Variants in SLC6A6 observed in about 807,000 individuals in gnomAD.
SLC6A6 encodes solute carrier family 6 member 6.
In SLC6A6, 16 loss-of-function variants were observed where a neutral mutation model predicts 68.8. That is an observed-to-expected ratio of 0.23 (90% CI 0.16 to 0.35). The LOEUF (loss-of-function observed/expected upper bound fraction) is 0.35, where lower values mean the gene tolerates loss of function less well. SLC6A6 is among the 10% of genes least tolerant of loss of function. SLC6A6 has a pLI of 1.00. For synonymous variants in SLC6A6, 312 were observed against 315.4 expected (o/e 0.99, Z 0.12); for missense variants, 474 against 802.8 (o/e 0.59, Z 4.95).
At chr3:14,454,762 C>T (rs1272809806) in intron 5 of SLC6A6, among the ~76,000 whole-genome samples, 1 of 152,160 alleles carries the variant, frequency 6.6e-6, no homozygotes, top group African/African-American at 2.4e-5. Context: ...AGTGCATCCC[C>T]CTCCCCCACA....
At chr3:14,484,546 G>A (rs1255535922) in intron 14 of SLC6A6, among the ~76,000 whole-genome samples, 3 of 152,162 alleles carry the variant, frequency 2.0e-5, no homozygotes, top group African/African-American at 4.8e-5. Flanking sequence ...TCACAGGGAG[G>A]CATATTTTAG....
intron 1 of SLC6A6, among the ~76,000 whole-genome samples, chr3:14,412,723 C>G (rs1699277559): frequency 6.6e-6 from 1 of 152,196 alleles, no homozygotes; most frequent in South Asian, 2.1e-4. Flanking sequence ...CGGTGCTGGT[C>G]TGGGGACCAC....
rs576139675 is a variant in SLC6A6, at chr3:14,478,724, A to G, written c.1450+156A>G. 116 of 634,404 alleles carry G rather than the reference A, an allele frequency of 1.8e-4. 1 individual carries two copies. Among genetic ancestry groups the G allele is most frequent in the South Asian group, 1.8e-3 (98 of 53,824 alleles). 39.3% of individuals were successfully genotyped at this position (634,404 alleles called of 1,614,324 possible). ...ACACAAATAATCTCACTGTAGCCAC[A>G]CTGAAGATCCTCCTGGTGCTAAAGG... On this transcript the variant is annotated intron_variant, in intron 12 of 14. Transcript: ENST00000622186.
rs1412926877 is a variant in SLC6A6, at chr3:14,477,997, C to G, written c.1348-469C>G. On this transcript the variant is annotated intron_variant, in intron 11 of 14. Coordinates refer to ENST00000622186, the MANE Select transcript of SLC6A6 (RefSeq NM_003043.6). This position sits in a 1 kb window ranked among gnomAD's most constrained non-coding sequence, Gnocchi z 4.2. ...CAGGGCACGCTCTCTCCTGCATGCC[C>G]CCCCCCACCACCTCCCCTGTTCCCC... 1.3e-5 allele frequency among the ~76,000 whole-genome samples: 2 copies of G among 152,004 alleles called. No homozygotes were observed. The highest frequency in any genetic ancestry group is 2.9e-5 in the Non-Finnish European group (2 of 67,972).
chr3:14,474,179 G>A (rs1277761842), intron 10 of SLC6A6, among the ~76,000 whole-genome samples: 1 of 152,218 alleles, frequency 6.6e-6, no homozygotes, highest in African/African-American at 2.4e-5. Context: ...ATGGGAATCT[G>A]ATCGCACAGG....
At chr3:14,443,884 A>G (rs771907896) in intron 3 of SLC6A6, 21 bp downstream of exon 3, 2 of 1,546,768 alleles carry the variant, frequency 1.3e-6, no homozygotes, top group East Asian at 4.5e-5. Flanking sequence ...GCCGGGCCAC[A>G]GGGGAGCCCA....
chr3:14,405,647 C>G (rs1324979892), intron 1 of SLC6A6, among the ~76,000 whole-genome samples: 1 of 152,200 alleles, frequency 6.6e-6, no homozygotes, highest in Non-Finnish European at 1.5e-5. Context: ...TCTCATTTTC[C>G]TGTGTTTGCC....
At chr3:14,438,143 C>A (rs966020392) in intron 2 of SLC6A6, among the ~76,000 whole-genome samples, 1 of 151,916 alleles carries the variant, frequency 6.6e-6, no homozygotes, top group South Asian at 2.1e-4. Context: ...CCACGCCTGG[C>A]CCACTTTTTC....
chr3:14,436,531 CTTTTTTTTTTTTTTTTT>C (rs58996264), intron 2 of SLC6A6, among the ~76,000 whole-genome samples: 14 of 112,564 alleles, frequency 1.2e-4, no homozygotes, highest in African/African-American at 3.6e-4. Context: ...CAACAACTCC[CTTTTTTTTTTTTTTTTT>C]TTTTTTTTTT....
At chr3:14,416,367 G>T in intron 1 of SLC6A6, 45 bp from the exon 2 acceptor site, 1 of 398,514 alleles carries the variant, frequency 2.5e-6, no homozygotes, top group South Asian at 1.3e-4. Flanking sequence ...GTCTGCCTCT[G>T]ACCAGATCTC....
At chr3:14,480,825 G>C (rs1256267607) in intron 13 of SLC6A6, among the ~76,000 whole-genome samples, 1 of 152,208 alleles carries the variant, frequency 6.6e-6, no homozygotes, top group Non-Finnish European at 1.5e-5. Flanking sequence ...CTTCTCACAG[G>C]GAAAGGTGGG....
At chr3:14,440,348 T>C (rs1699953573) in intron 2 of SLC6A6, among the ~76,000 whole-genome samples, 1 of 151,946 alleles carries the variant, frequency 6.6e-6, no homozygotes. Context: ...CTTTTTATAC[T>C]GCGGCTCCAA....
At chr3:14,434,435 A>G (rs1053875205) in intron 2 of SLC6A6, among the ~76,000 whole-genome samples, 29 of 152,156 alleles carry the variant, frequency 1.9e-4, no homozygotes, top group African/African-American at 5.6e-4. Flanking sequence ...TTTAGTGTCT[A>G]TCTCCCCTTC....
intron 2 of SLC6A6, among the ~76,000 whole-genome samples, chr3:14,427,320 G>A (rs1289400652): frequency 6.6e-6 from 1 of 152,178 alleles, no homozygotes; most frequent in Non-Finnish European, 1.5e-5. Flanking sequence ...TTAACCTGGT[G>A]GGATCGCCAT....
intron 2 of SLC6A6, among the ~76,000 whole-genome samples, chr3:14,433,808 A>G (rs917583269): frequency 0.18 from 25,564 of 138,270 alleles, 1,793 homozygotes; most frequent in Admixed American, 0.24. Flanking sequence ...GTCTCAAAAA[A>G]AAAAAAAAAA....
intron 6 of SLC6A6, among the ~76,000 whole-genome samples, chr3:14,460,451 AGTGAAGGGCTGAGCCAGGTGAGTAT>A (rs774347804): frequency 2.0e-5 from 3 of 152,026 alleles, no homozygotes; most frequent in Non-Finnish European, 4.4e-5. Context: ...ATGTGAAGGA[AGTGAAGGGCTGAGCCAGGTGAGTAT>A]GTGGAGGGGA....
chr3:14,446,831 A>G (rs995565159), intron 4 of SLC6A6, among the ~76,000 whole-genome samples: 1 of 152,228 alleles, frequency 6.6e-6, no homozygotes, highest in African/African-American at 2.4e-5. Context: ...CCTTAGTCCT[A>G]TGTTTAGTAC....
In SLC6A6 at chr3:14,487,005, T is replaced by G. The variant is rs1701185804; in HGVS notation, c.*1998T>G. ...TTTCCCTGATTTTATGGAGTAGCAT[T>G]GTGACCTGTTTTCCTTTGTCTTATA... is the stretch of plus-strand genomic sequence containing the variant. On this transcript the variant is annotated 3_prime_UTR_variant, in exon 15 of 15. Coordinates refer to ENST00000622186, the MANE Select transcript of SLC6A6 (RefSeq NM_003043.6). The G allele has an allele frequency of 6.6e-6, 1 of 152,652 alleles. No individual in the cohort carries two copies. Among genetic ancestry groups the G allele is most frequent in the African/African-American group, 2.4e-5 (1 of 41,460 alleles). 9.5% of individuals were successfully genotyped at this position (152,652 alleles called of 1,614,324 possible). A position where few individuals can be genotyped will look rare whatever the true frequency, so the allele number is the denominator to read the frequency against.
chr3:14,484,289 G>A (rs559479955), intron 14 of SLC6A6, among the ~76,000 whole-genome samples: 110 of 152,306 alleles, frequency 7.2e-4, no homozygotes, highest in Non-Finnish European at 1.0e-3. Context: ...GCTCAAATGC[G>A]AGCAAGGTTC....
Sources: allele counts gnomAD v4.1 joint callset (sites outside exome capture counted in the v4.1 genomes callset), GRCh38; gene constraint gnomAD v4.1.1; non-coding constraint Gnocchi (gnomAD v3.1); transcripts MANE v1.5; gene names NCBI Gene and HGNC (gene_info 2026-07-23, HGNC 2026-07-21).